The following SBF2 variants were observed in gnomAD, a reference collection of about 807,000 sequenced individuals.
SBF2 encodes myotubularin-related protein 13.
In SBF2, 112 loss-of-function variants were observed where a neutral mutation model predicts 225.2. The ratio of observed to expected loss-of-function variants is 0.50; its 90% CI spans 0.43 to 0.58. The LOEUF is 0.58. Among genes scored for constraint, SBF2 ranks in the 20% least tolerant of loss-of-function variants. The probability of loss-of-function intolerance (pLI) is 0.00; values close to 1 mark genes in which losing one functional copy is unlikely to be tolerated. For synonymous variants in SBF2, 763 were observed against 773.3 expected, an observed-to-expected ratio of 0.99 and a Z score of 0.22; for missense variants, 1,996 against 2,206.2, an observed-to-expected ratio of 0.90 and a Z score of 1.91.
chr11:9,867,485 T>G (rs1203601701), intron 17 of SBF2, among the ~76,000 whole-genome samples: 1 of 152,082 alleles, frequency 6.6e-6, no homozygotes, highest in African/African-American at 2.4e-5. Context: ...AGTAGTGAGA[T>G]TCCTTAAAAA....
intron 1 of SBF2, among the ~76,000 whole-genome samples, chr11:10,239,716 C>T (rs1959181978): frequency 7.3e-6 from 1 of 136,844 alleles, no homozygotes; most frequent in South Asian, 2.7e-4. Context: ...TACAAAAGAC[C>T]GTGACGTCAC....
intron 32 of SBF2, among the ~76,000 whole-genome samples, chr11:9,802,155 A>G (rs1024019811): frequency 6.6e-6 from 1 of 152,200 alleles, no homozygotes; most frequent in African/African-American, 2.4e-5. Context: ...TCCTGATATT[A>G]TATTTTAAAA....
chr11:10,014,533 A>C (rs1948580299), intron 6 of SBF2, among the ~76,000 whole-genome samples: 1 of 149,702 alleles, frequency 6.7e-6, no homozygotes, highest in Non-Finnish European at 1.5e-5. Flanking sequence ...AAAAAACGAA[A>C]ATGGAGTTCA....
At chr11:10,064,329 T>C (rs904184969) in intron 2 of SBF2, among the ~76,000 whole-genome samples, 1 of 152,044 alleles carries the variant, frequency 6.6e-6, no homozygotes, top group Non-Finnish European at 1.5e-5. Flanking sequence ...AGCCCAAAAG[T>C]AACCACTAAA....
intron 17 of SBF2, among the ~76,000 whole-genome samples, chr11:9,874,245 A>G (rs995483137): frequency 7.9e-5 from 12 of 152,174 alleles, no homozygotes; most frequent in African/African-American, 2.9e-4. Flanking sequence ...CCAAGTACAT[A>G]ATAGTGAATC....
chr11:10,101,568 G>A (rs1952302179), intron 2 of SBF2, among the ~76,000 whole-genome samples: 4 of 152,072 alleles, frequency 2.6e-5, no homozygotes, highest in Non-Finnish European at 5.9e-5. Context: ...GGAAGCTGCA[G>A]TGAAATGGAA....
At chr11:10,039,850 T>C (rs1949585419) in intron 3 of SBF2, among the ~76,000 whole-genome samples, 2 of 151,858 alleles carry the variant, frequency 1.3e-5, no homozygotes, top group Admixed American at 6.6e-5. Context: ...CAGGAATCTG[T>C]CTGAGTGGTG....
intron 16 of SBF2, among the ~76,000 whole-genome samples, chr11:9,942,396 CTA>C (rs1865308055): frequency 1.3e-5 from 2 of 152,168 alleles, no homozygotes; most frequent in African/African-American, 2.4e-5. Flanking sequence ...ATGTACAATA[CTA>C]TGTTTATAGA....
At chr11:10,194,320 T>C (rs1414631032) in intron 1 of SBF2, among the ~76,000 whole-genome samples, 1 of 152,174 alleles carries the variant, frequency 6.6e-6, no homozygotes, top group African/African-American at 2.4e-5. Flanking sequence ...TTTCATTGTA[T>C]TAGGTATTAT....
At chr11:10,016,375 T>A (rs889091940) in intron 6 of SBF2, 1 of 152,170 alleles carries the variant, frequency 6.6e-6, no homozygotes, top group Non-Finnish European at 1.5e-5. Context: ...TTTTTCATTA[T>A]CCAGAAAATT....
intron 17 of SBF2, among the ~76,000 whole-genome samples, chr11:9,888,966 T>A (rs1228288708): frequency 6.6e-6 from 1 of 152,220 alleles, no homozygotes; most frequent in Admixed American, 6.5e-5. Flanking sequence ...AAATATTAGC[T>A]CTCTTTATTA....
intron 17 of SBF2, among the ~76,000 whole-genome samples, chr11:9,881,042 A>T (rs538323068): frequency 6.6e-6 from 1 of 152,210 alleles, no homozygotes; most frequent in African/African-American, 2.4e-5. Context: ...TCTGGAGTCA[A>T]TGGTGGTTTT....
At chr11:9,967,995 T>TATATA (rs1867077764) in intron 14 of SBF2, among the ~76,000 whole-genome samples, 1 of 144,842 alleles carries the variant, frequency 6.9e-6, no homozygotes, top group South Asian at 2.3e-4. Flanking sequence ...ATATATAAAA[T>TATATA]ATATATATAT....
intron 2 of SBF2, among the ~76,000 whole-genome samples, chr11:10,049,438 T>A (rs1000194064): frequency 3.3e-5 from 5 of 152,016 alleles, no homozygotes; most frequent in African/African-American, 1.2e-4. Flanking sequence ...GAAACCCCAC[T>A]TCTACTGAAA....
chr11:10,141,898 C>T (rs1278552438), intron 2 of SBF2, among the ~76,000 whole-genome samples: 1 of 152,136 alleles, frequency 6.6e-6, no homozygotes, highest in Non-Finnish European at 1.5e-5. Flanking sequence ...AATCTGACTT[C>T]GTAGAGCATT....
intron 2 of SBF2, among the ~76,000 whole-genome samples, chr11:10,084,063 A>C (rs1951463351): frequency 6.6e-6 from 1 of 152,248 alleles, no homozygotes; most frequent in South Asian, 2.1e-4. Flanking sequence ...GTGAACAAAC[A>C]GTCTGCAAAA....
Position 10,210,044 on chromosome 11 carries a change from C to T in SBF2, c.56-16057G>A, listed in dbSNP as rs915185974. 1.3e-4 allele frequency among the ~76,000 whole-genome samples: 20 copies of T among 152,118 alleles called. 1 individual carries two copies. Among genetic ancestry groups the T allele is most frequent in the Non-Finnish European group, 8.8e-5 (6 of 68,034 alleles). On this transcript the variant is annotated intron_variant, in intron 1 of 39. Coordinates refer to ENST00000256190, the MANE Select transcript of SBF2 (RefSeq NM_030962.4). ...AGGAAGCTGGGCACAGTGGCTCATG[C>T]CTGTAATCCCAAGCACTTTGGGAGG...
At chr11:10,160,758 C>T (rs1040037215) in intron 2 of SBF2, among the ~76,000 whole-genome samples, 4 of 152,162 alleles carry the variant, frequency 2.6e-5, no homozygotes, top group African/African-American at 7.2e-5. Flanking sequence ...ACACCCCATA[C>T]CCTTGTATCT....
intron 16 of SBF2, among the ~76,000 whole-genome samples, chr11:9,925,816 T>C (rs531969781): frequency 6.6e-6 from 1 of 152,334 alleles, no homozygotes; most frequent in African/African-American, 2.4e-5. Context: ...ACAATTGCCC[T>C]TTCCTTAGGC....
Sources: gnomAD v4.1 joint callset for allele counts (sites outside exome capture counted in the v4.1 genomes callset) on GRCh38, gnomAD v4.1.1 for gene constraint, MANE v1.5 for transcripts, NCBI Gene and HGNC (gene_info 2026-07-23, HGNC 2026-07-21) for gene names.